The following BAZ2B variants were observed in gnomAD, a reference collection of about 807,000 sequenced individuals.
BAZ2B encodes bromodomain adjacent to zinc finger domain 2B, also known as bromodomain adjacent to zinc finger domain protein 2B.
A neutral mutation model predicts 246.0 loss-of-function variants in BAZ2B; 91 were observed. The ratio of observed to expected loss-of-function variants is 0.37; its 90% CI spans 0.31 to 0.44. The LOEUF is 0.44. Among genes scored for constraint, BAZ2B ranks in the 20% least tolerant of loss-of-function variants. BAZ2B has a pLI of 1.00. For missense variants in BAZ2B, 2,332 were observed against 2,533.7 expected, an observed-to-expected ratio of 0.92 and a Z score of 1.71; for synonymous variants, 855 against 860.0, an observed-to-expected ratio of 0.99 and a Z score of 0.10.
chr2:159,345,176 A>G (rs1002074000), intron 31 of BAZ2B, among the ~76,000 whole-genome samples: 2 of 151,266 alleles, frequency 1.3e-5, no homozygotes, highest in African/African-American at 4.9e-5. Flanking sequence ...ACGCCACTAT[A>G]CTCAAGCCTG....
chr2:159,521,435 C>A (rs2084120149), intron 2 of BAZ2B, among the ~76,000 whole-genome samples: 1 of 151,942 alleles, frequency 6.6e-6, no homozygotes, highest in South Asian at 2.1e-4. Context: ...ATAATAGATA[C>A]ACACAGAGGC....
intron 11 of BAZ2B, 131 bp downstream of exon 11, chr2:159,429,069 C>T: frequency 1.8e-6 from 1 of 561,586 alleles, no homozygotes; most frequent in Non-Finnish European, 2.8e-6. Context: ...TGCTCCGGCT[C>T]TTCTGCTCTA....
At chr2:159,560,926 A>G (rs1202204363) in intron 1 of BAZ2B, among the ~76,000 whole-genome samples, 1 of 152,164 alleles carries the variant, frequency 6.6e-6, no homozygotes, top group African/African-American at 2.4e-5. Context: ...TATAAGCAAT[A>G]CTTTTTTGGC....
At chr2:159,619,528 C>T (rs1039139901), upstream of BAZ2B, among the ~76,000 whole-genome samples, 5 of 149,984 alleles carry the variant, frequency 3.3e-5, no homozygotes, top group African/African-American at 1.2e-4. Context: ...ATATATTTCT[C>T]TATTTCAATA....
intron 1 of BAZ2B, among the ~76,000 whole-genome samples, chr2:159,574,689 A>G (rs1215963371): frequency 6.6e-6 from 1 of 152,218 alleles, no homozygotes; most frequent in Non-Finnish European, 1.5e-5. Flanking sequence ...TTATTTGGTA[A>G]GAAAATGAAA....
rs771149082 is a variant in BAZ2B, at chr2:159,438,364, G to C, written c.1232C>G (p.Ala411Gly). ...TTCTTCAGAGGTATTTTTATTCCCT[G>C]CTTTAAGAACATCAGGAGAAGGAAC... The part of the protein sequence containing the change: ...LIVPSPDVLK[A>G]GNKNTSEESS... Residue 411 changes from alanine (A) to glycine (G), a missense_variant, in exon 8 of 37, where the codon GCA (alanine) becomes GGA (glycine). Transcript: ENST00000392783. 1.9e-6 allele frequency: 3 copies of C among 1,614,028 alleles called. No homozygotes were observed. The highest frequency in any genetic ancestry group is 2.2e-5 in the South Asian group (2 of 91,068).
intron 4 of BAZ2B, 68 bp downstream of exon 4, chr2:159,453,545 C>A: frequency 6.9e-7 from 1 of 1,453,740 alleles, no homozygotes. Context: ...GTTCAATAGA[C>A]AAATTATTGC....
At chr2:159,400,758 A>G (rs2064870974) in intron 16 of BAZ2B, 94 bp from the exon 17 acceptor site, 1 of 772,938 alleles carries the variant, frequency 1.3e-6, no homozygotes, top group South Asian at 1.6e-5. Context: ...ATATAAGTAC[A>G]GGTCAGGCGC....
intron 25 of BAZ2B, 69 bp downstream of exon 25, chr2:159,382,490 T>C (rs1209371564): frequency 2.1e-6 from 3 of 1,458,054 alleles, no homozygotes; most frequent in Non-Finnish European, 2.7e-6. Flanking sequence ...TCCATCTGAC[T>C]CCAAATTCTG....
chr2:159,428,452 C>T (rs1360661240), intron 11 of BAZ2B, 33 bp from the exon 12 acceptor site: 6 of 1,500,950 alleles, frequency 4.0e-6, no homozygotes, highest in African/African-American at 1.4e-5. Flanking sequence ...TTATGACATA[C>T]TTAATTTCAA....
At chr2:159,358,735 A>C (rs2059379575) in intron 27 of BAZ2B, among the ~76,000 whole-genome samples, 1 of 152,248 alleles carries the variant, frequency 6.6e-6, no homozygotes, top group African/African-American at 2.4e-5. Flanking sequence ...CAGCAAATGC[A>C]AAAGAATGGA....
intron 20 of BAZ2B, among the ~76,000 whole-genome samples, chr2:159,391,597 TG>T (rs1217264746): frequency 1.3e-5 from 2 of 152,134 alleles, no homozygotes; most frequent in Non-Finnish European, 2.9e-5. Flanking sequence ...AACTTCCCAC[TG>T]GTAGCAATCC....
In BAZ2B at chr2:159,556,188, T is replaced by C. The variant is rs138885344; in HGVS notation, c.-45-323A>G. 3.3e-3 allele frequency among the ~76,000 whole-genome samples: 500 copies of C among 152,316 alleles called. 4 individuals are homozygous for C. Among genetic ancestry groups the C allele is most frequent in the African/African-American group, 0.011 (472 of 41,568 alleles). On this transcript the variant is annotated intron_variant, in intron 1 of 36. Transcript: ENST00000392783. ...TTTTATTTGTCTTCAAATTACGTAC[T>C]CAGAAGAGAAAAACAATGTCTTAAA...
chr2:159,469,890 T>C (rs1326471027), intron 3 of BAZ2B, among the ~76,000 whole-genome samples: 1 of 152,216 alleles, frequency 6.6e-6, no homozygotes. Flanking sequence ...TATCATTATA[T>C]ATTCTTTGAA....
At chr2:159,471,743 T>C (rs1438194273) in intron 3 of BAZ2B, among the ~76,000 whole-genome samples, 2 of 152,246 alleles carry the variant, frequency 1.3e-5, no homozygotes, top group African/African-American at 4.8e-5. Flanking sequence ...AAAAGTCCTT[T>C]ATAATCTTTA....
chr2:159,373,117 G>C lies in BAZ2B; in HGVS notation c.4141C>G (p.Arg1381Gly), dbSNP rs1381457323. The C allele has an allele frequency of 6.2e-7, 1 of 1,613,998 alleles. No individual in the cohort carries two copies. The highest frequency in any genetic ancestry group is 8.5e-7 in the Non-Finnish European group (1 of 1,179,912). ...SLRSVMFGQD[R>G]YRRRYWILPQ... ...AGAATCCAGTACCGGCGTCTGTAAC[G>C]ATCTTGGCCAAACATCACTGAACGC... The change falls in exon 27 of 37, where the codon CGT becomes GGT. Residue 1381 changes from arginine (R) to glycine (G), a missense_variant. Transcript: ENST00000392783.
At chr2:159,505,927 G>A (rs76309740) in intron 2 of BAZ2B, among the ~76,000 whole-genome samples, 8 of 152,296 alleles carry the variant, frequency 5.3e-5, no homozygotes, top group East Asian at 3.9e-4. Flanking sequence ...CAAGCTAAGC[G>A]TATAATACAT....
At chr2:159,479,174 A>C (rs2078971309) in intron 2 of BAZ2B, among the ~76,000 whole-genome samples, 1 of 152,172 alleles carries the variant, frequency 6.6e-6, no homozygotes, top group African/African-American at 2.4e-5. Context: ...GTAGCTCTTA[A>C]GTGTCCAAGA....
intron 31 of BAZ2B, among the ~76,000 whole-genome samples, chr2:159,339,864 A>G (rs1486029402): frequency 6.6e-6 from 1 of 152,144 alleles, no homozygotes; most frequent in African/African-American, 2.4e-5. Context: ...GAGAACTAAA[A>G]AAGCTACTCT....
Sources: allele counts gnomAD v4.1 joint callset (sites outside exome capture counted in the v4.1 genomes callset), GRCh38; gene constraint gnomAD v4.1.1; transcripts MANE v1.5; gene names NCBI Gene and HGNC (gene_info 2026-07-23, HGNC 2026-07-21).